Variants in SLAMF9 observed in about 807,000 individuals in gnomAD.
The protein encoded by SLAMF9 is SLAM family member 9.
A neutral mutation model predicts 30.4 loss-of-function variants in SLAMF9; 25 were observed. That is an observed-to-expected ratio of 0.82 (90% CI 0.60 to 1.15). The LOEUF (loss-of-function observed/expected upper bound fraction) is 1.15. Ranked by LOEUF, SLAMF9 falls within the 50% of genes most tolerant of loss-of-function variation. SLAMF9 has a pLI of 0.00. For missense variants in SLAMF9, 344 were observed against 346.1 expected, an observed-to-expected ratio of 0.99 and a Z score of 0.05; for synonymous variants, 129 against 127.2, an observed-to-expected ratio of 1.01 and a Z score of -0.09.
At chr1:159,967,480 T>A in the SLAMF9 span, among the ~76,000 whole-genome samples, 1 of 152,222 alleles carries the variant, frequency 6.6e-6, no homozygotes, top group Non-Finnish European at 1.5e-5. Flanking sequence ...GGATCTGTTT[T>A]TATGCCAGTA....
chr1:159,955,076 T>G (rs1464344266), upstream of SLAMF9, among the ~76,000 whole-genome samples: 1 of 137,176 alleles, frequency 7.3e-6, no homozygotes, highest in Admixed American at 7.5e-5. Flanking sequence ...AGACTCTGTC[T>G]CAAAGCAAAA....
chr1:159,952,650 A>C, intron 2 of SLAMF9, 116 bp from the exon 3 acceptor site: 2 of 1,127,134 alleles, frequency 1.8e-6, no homozygotes, highest in African/African-American at 1.5e-5. Flanking sequence ...GCACCTAAAC[A>C]ACAAATAGGC....
chr1:159,972,266 A>G, the SLAMF9 span, among the ~76,000 whole-genome samples: 7 of 152,132 alleles, frequency 4.6e-5, no homozygotes, highest in African/African-American at 1.7e-4. Flanking sequence ...GAAGTTGCCT[A>G]TGTCTTAGGC....
chr1:159,974,534 T>C, the SLAMF9 span, among the ~76,000 whole-genome samples: 1 of 152,168 alleles, frequency 6.6e-6, no homozygotes, highest in Non-Finnish European at 1.5e-5. Context: ...AATCCAGGGA[T>C]TGAAGGAGCC....
At chr1:159,962,156 C>T in the SLAMF9 span, among the ~76,000 whole-genome samples, 2 of 132,098 alleles carry the variant, frequency 1.5e-5, no homozygotes, top group African/African-American at 5.5e-5. Context: ...GACTCCATCT[C>T]AAAAAAAAAA....
chr1:159,954,269 C>T, upstream of SLAMF9: 1 of 996,822 alleles, frequency 1.0e-6, no homozygotes, highest in Non-Finnish European at 1.5e-6. Context: ...ATAATTTTCC[C>T]CTGACTACAG....
At chr1:159,965,425 G>C in the SLAMF9 span, 1 of 152,308 alleles carries the variant, frequency 6.6e-6, no homozygotes, top group Non-Finnish European at 1.5e-5. Flanking sequence ...GCTGCCTAGG[G>C]AACATGGTGC....
At chr1:159,957,302 A>C (rs1651943175), upstream of SLAMF9, among the ~76,000 whole-genome samples, 1 of 151,956 alleles carries the variant, frequency 6.6e-6, no homozygotes, top group Admixed American at 6.6e-5. Context: ...TGGTGACTAC[A>C]GTTAATAGCA....
intron 1 of SLAMF9, among the ~76,000 whole-genome samples, 197 bp from the exon 2 acceptor site, chr1:159,953,850 T>G (rs1651861545): frequency 6.6e-6 from 1 of 152,204 alleles, no homozygotes. Flanking sequence ...GGAGTTTGCT[T>G]CCATCTGTCC....
chr1:159,965,765 C>T, the SLAMF9 span: 2 of 152,156 alleles, frequency 1.3e-5, no homozygotes, highest in African/African-American at 4.8e-5. Context: ...TTCTCCTTTT[C>T]CAGGGCTATT....
intron 1 of SLAMF9, 130 bp downstream of exon 1, chr1:159,953,962 A>G: frequency 8.9e-7 from 1 of 1,119,310 alleles, no homozygotes; most frequent in Non-Finnish European, 1.3e-6. Flanking sequence ...CACACACCCT[A>G]CTCCTTGTAA....
chr1:159,952,063 A>G (rs572784348), intron 3 of SLAMF9, among the ~76,000 whole-genome samples, 197 bp from the exon 4 acceptor site: 3 of 152,330 alleles, frequency 2.0e-5, no homozygotes, highest in Admixed American at 6.5e-5. Flanking sequence ...AAGCCAAGCA[A>G]GAGAAAAGAA....
the SLAMF9 span, among the ~76,000 whole-genome samples, chr1:159,981,202 A>G: frequency 1.3e-5 from 2 of 152,136 alleles, no homozygotes; most frequent in Non-Finnish European, 2.9e-5. Context: ...TCCTTATAAG[A>G]AAAGGAAACC....
the SLAMF9 span, among the ~76,000 whole-genome samples, chr1:159,977,270 T>A: frequency 6.6e-6 from 1 of 152,224 alleles, no homozygotes; most frequent in East Asian, 1.9e-4. Context: ...CCTTTTTGCT[T>A]TCCCTAGTCC....
chr1:159,982,694 G>T, the SLAMF9 span, among the ~76,000 whole-genome samples: 1 of 152,214 alleles, frequency 6.6e-6, no homozygotes, highest in African/African-American at 2.4e-5. Context: ...TGTTAAGTAT[G>T]TCTATATGGG....
the SLAMF9 span, among the ~76,000 whole-genome samples, chr1:159,964,360 T>C: frequency 6.6e-6 from 1 of 152,140 alleles, no homozygotes; most frequent in Non-Finnish European, 1.5e-5. Flanking sequence ...TTGGAGAATA[T>C]GAGAGGGGCT....
At chr1:159,958,891 G>A (rs903229964), upstream of SLAMF9, among the ~76,000 whole-genome samples, 16 of 152,054 alleles carry the variant, frequency 1.1e-4, no homozygotes, top group Non-Finnish European at 1.6e-4. Flanking sequence ...CTCTGGCCTC[G>A]GTCTCAGTCC....
At chr1:159,978,385 G>A in the SLAMF9 span, among the ~76,000 whole-genome samples, 2 of 152,240 alleles carry the variant, frequency 1.3e-5, no homozygotes, top group East Asian at 1.9e-4. Flanking sequence ...GTGGGTCTCA[G>A]GCACATAGGA....
At chr1:159,980,285 C>T in the SLAMF9 span, among the ~76,000 whole-genome samples, 1 of 152,122 alleles carries the variant, frequency 6.6e-6, no homozygotes, top group Non-Finnish European at 1.5e-5. Flanking sequence ...TGGCTTGGTG[C>T]CCATCCTCCT....
Sources: gnomAD v4.1 joint callset for allele counts (sites outside exome capture counted in the v4.1 genomes callset) on GRCh38, gnomAD v4.1.1 for gene constraint, MANE v1.5 for transcripts, NCBI Gene and HGNC (gene_info 2026-07-23, HGNC 2026-07-21) for gene names.